The following CECR2 variants were observed in gnomAD, a reference collection of about 807,000 sequenced individuals.
CECR2 encodes CECR2 histone acetyl-lysine reader.
In CECR2, 30 loss-of-function variants were observed where a neutral mutation model predicts 154.5. The observed-to-expected ratio is 0.19, with a 90% CI of 0.15 to 0.26. The LOEUF is 0.26. Among genes scored for constraint, CECR2 ranks in the 10% least tolerant of loss-of-function variants. CECR2 has a pLI of 1.00. For missense variants in CECR2, 1,743 were observed against 1,829.3 expected, an observed-to-expected ratio of 0.95 and a Z score of 0.86; for synonymous variants, 725 against 683.7, an observed-to-expected ratio of 1.06 and a Z score of -0.94.
At chr22:17,407,789 T>C (rs915501216) in intron 1 of CECR2, among the ~76,000 whole-genome samples, 8 of 152,040 alleles carry the variant, frequency 5.3e-5, no homozygotes, top group Admixed American at 3.3e-4. Flanking sequence ...AAGAGGGGTG[T>C]GGGTAGAGGT....
At chr22:17,529,232 C>G (rs1434962219) in intron 9 of CECR2, among the ~76,000 whole-genome samples, 1 of 152,090 alleles carries the variant, frequency 6.6e-6, no homozygotes, top group East Asian at 1.9e-4. Context: ...GCAGGAAGTC[C>G]AGGGCGAGGC....
intron 9 of CECR2, among the ~76,000 whole-genome samples, chr22:17,527,612 C>T (rs2056286510): frequency 6.6e-6 from 1 of 151,974 alleles, no homozygotes; most frequent in African/African-American, 2.4e-5. Context: ...ACTAAAAATA[C>T]TAAAATTAGC....
rs371114197 is a variant in CECR2 at position 17,497,593 on chromosome 22, T to C, written c.405+7T>C. ...TGTCTTCGATCTTCTAAAGGTATGC[T>C]TAACTGGCGAACCTTTCCCTGTAGC... On this transcript the variant is annotated splice_region_variant and intron_variant, in intron 3 of 18. Transcript: ENST00000262608. 1.2e-6 allele frequency: 2 copies of C among 1,612,190 alleles called. No individual in the cohort carries two copies. Among genetic ancestry groups the C allele is most frequent in the African/African-American group, 2.7e-5 (2 of 74,904 alleles).
intron 9 of CECR2, among the ~76,000 whole-genome samples, chr22:17,528,276 T>A (rs1343601238): frequency 6.6e-6 from 1 of 152,064 alleles, no homozygotes; most frequent in African/African-American, 2.4e-5. Flanking sequence ...GAACTGGAGG[T>A]TATTATTTTA....
chr22:17,519,819 T>G (rs2056125285), intron 8 of CECR2, among the ~76,000 whole-genome samples: 1 of 148,350 alleles, frequency 6.7e-6, no homozygotes, highest in Non-Finnish European at 1.5e-5. Context: ...TGAGACATAA[T>G]CTCACTCTGT....
rs1406849694 is a variant in CECR2, at chr22:17,377,487, C to T, written c.126+7578C>T. ...TATGTTACCCAGGCTGGATTTGAAC[C>T]CCTGAGCTCAAGTGATCCTCCTGCC... On this transcript the variant is annotated intron_variant, in intron 1 of 18. Coordinates refer to ENST00000262608, the MANE Select transcript of CECR2 (RefSeq NM_001290047.2). 3.3e-5 allele frequency among the ~76,000 whole-genome samples: 5 copies of T among 151,590 alleles called. No homozygotes were observed. In the East Asian group the frequency reaches 9.7e-4, roughly 29 times the overall value.
intron 8 of CECR2, among the ~76,000 whole-genome samples, chr22:17,514,561 A>G (rs2056017003): frequency 6.6e-6 from 1 of 152,208 alleles, no homozygotes; most frequent in East Asian, 1.9e-4. Context: ...AGACAGTATC[A>G]CATTTTTGTA....
At chr22:17,540,850 A>T in intron 14 of CECR2, 50 bp downstream of exon 14, 1 of 1,495,142 alleles carries the variant, frequency 6.7e-7, no homozygotes, top group South Asian at 1.4e-5. Flanking sequence ...TTGTGAGTTC[A>T]TAGTAATGTA....
rs758545887 is a variant in CECR2 at position 17,542,860 on chromosome 22, A to T, written c.2717A>T (p.Gln906Leu). The change falls in exon 16 of 19, where the codon CAG becomes CTG. Residue 906 changes from glutamine (Q) to leucine (L), a missense_variant. This residue lies in a region of CECR2 where 1,250 missense variants were observed against 1,192.1 expected (regional missense o/e 1.05). Coordinates refer to ENST00000262608, the MANE Select transcript of CECR2 (RefSeq NM_001290047.2). ...CCAGGTGTGCCTTACCACCCCCACCAGCCTGCACACCCCCGTTTACCTGGC... is the reference window on the plus strand; with the variant it reads ...CCAGGTGTGCCTTACCACCCCCACCTGCCTGCACACCCCCGTTTACCTGGC... Reference protein sequence around the residue: ...CPPGVPYHPHQPAHPRLPGPF... With the variant: ...CPPGVPYHPHLPAHPRLPGPF... 3.7e-6 allele frequency: 6 copies of T among 1,613,580 alleles called. No homozygotes were observed. In the Admixed American group the frequency reaches 1.0e-4, roughly 27 times the overall value.
chr22:17,422,662 G>A lies in CECR2; in HGVS notation c.126+52753G>A, dbSNP rs553982886. Among the ~76,000 whole-genome samples, 61 of 149,518 alleles carry A rather than the reference G, an allele frequency of 4.1e-4. 1 individual carries two copies. The highest frequency in any genetic ancestry group is 1.4e-3 in the African/African-American group (57 of 40,752). Reference sequence around the variant, plus strand: ...TTCATGTGTTTATATTACACCTTTTGTACCTGTCCCAGAGTTCTTGGGTAT... The same window carrying A: ...TTCATGTGTTTATATTACACCTTTTATACCTGTCCCAGAGTTCTTGGGTAT... On this transcript the variant is annotated intron_variant, in intron 1 of 18. Transcript: ENST00000262608.
chr22:17,463,930 T>C (rs970714101), intron 1 of CECR2, among the ~76,000 whole-genome samples: 1 of 151,940 alleles, frequency 6.6e-6, no homozygotes, highest in African/African-American at 2.4e-5. Flanking sequence ...ACAGCAAAGA[T>C]GGAAAAGAAA....
At chr22:17,492,545 G>A (rs531864931) in intron 2 of CECR2, among the ~76,000 whole-genome samples, 1 of 152,190 alleles carries the variant, frequency 6.6e-6, no homozygotes, top group East Asian at 1.9e-4. Context: ...AAAGGTTGTT[G>A]ACTCATTCTT....
chr22:17,433,434 A>G (rs1457872681), intron 1 of CECR2, among the ~76,000 whole-genome samples: 1 of 152,052 alleles, frequency 6.6e-6, no homozygotes, highest in Non-Finnish European at 1.5e-5. Flanking sequence ...CTGTCATCAC[A>G]TTGTTTTTGT....
intron 1 of CECR2, among the ~76,000 whole-genome samples, chr22:17,457,937 T>C (rs759898436): frequency 8.5e-5 from 13 of 152,222 alleles, no homozygotes; most frequent in Non-Finnish European, 1.8e-4. Flanking sequence ...CATTTACATA[T>C]AACATCATTG....
At chr22:17,398,568 G>T (rs891844803) in intron 1 of CECR2, among the ~76,000 whole-genome samples, 1 of 152,194 alleles carries the variant, frequency 6.6e-6, no homozygotes, top group Non-Finnish European at 1.5e-5. Flanking sequence ...GCCAGACGGG[G>T]TCTGTTTCCT....
At chr22:17,414,238 C>T (rs575130652) in intron 1 of CECR2, among the ~76,000 whole-genome samples, 1 of 152,204 alleles carries the variant, frequency 6.6e-6, no homozygotes, top group Non-Finnish European at 1.5e-5. Context: ...TCCCAAAGTG[C>T]TGGGATTACA....
At chr22:17,458,087 T>C (rs1293036136) in intron 1 of CECR2, among the ~76,000 whole-genome samples, 2 of 151,982 alleles carry the variant, frequency 1.3e-5, no homozygotes, top group Non-Finnish European at 2.9e-5. Flanking sequence ...ATCTTAATTG[T>C]GGGGGTGGCT....
At chr22:17,508,216 A>G (rs1039863557) in intron 7 of CECR2, among the ~76,000 whole-genome samples, 29 of 152,222 alleles carry the variant, frequency 1.9e-4, no homozygotes, top group Admixed American at 5.9e-4. Context: ...GCACAATTCC[A>G]TTTCTTTTTA....
At chr22:17,495,861 C>CAAA (rs10558473) in intron 2 of CECR2, among the ~76,000 whole-genome samples, 8,735 of 67,306 alleles carry the variant, frequency 0.13, 631 homozygotes, top group Non-Finnish European at 0.17. Flanking sequence ...GACTCTGTCT[C>CAAA]AAAAAAAAAA....
Sources: gnomAD v4.1 joint callset for allele counts (sites outside exome capture counted in the v4.1 genomes callset) on GRCh38, gnomAD v4.1.1 for gene constraint, gnomAD v4.1.1 regional missense constraint, MANE v1.5 for transcripts, NCBI Gene and HGNC (gene_info 2026-07-23, HGNC 2026-07-21) for gene names.